The following PCDH19 variants were observed in gnomAD, a reference collection of about 807,000 sequenced individuals.
PCDH19 encodes the protein protocadherin 19.
PCDH19 carries 6 observed loss-of-function variants against 46.2 expected under a neutral mutation model. That is an observed-to-expected ratio of 0.13 (90% CI 0.07 to 0.26). The LOEUF (loss-of-function observed/expected upper bound fraction) is 0.26, where lower values mean the gene tolerates loss of function less well. Among genes scored for constraint, PCDH19 ranks in the 10% least tolerant of loss-of-function variants. PCDH19 has a pLI of 1.00. For synonymous variants in PCDH19, 481 were observed against 415.7 expected (o/e 1.16, Z -1.91); for missense variants, 740 against 972.3 (o/e 0.76, Z 3.18).
At chrX:100,328,251 A>G (rs1262150427) in intron 5 of PCDH19, among the ~76,000 whole-genome samples, 4 of 112,020 alleles carry the variant, frequency 3.6e-5, no homozygotes, top group Admixed American at 9.5e-5. Flanking sequence ...ACGAAAGCAC[A>G]GGATGAATAC....
chrX:100,332,791 T>A (rs376378673), intron 5 of PCDH19, among the ~76,000 whole-genome samples: 1 of 109,793 alleles, frequency 9.1e-6, no homozygotes, highest in Middle Eastern at 4.8e-3. Flanking sequence ...GCAGGAGGAC[T>A]GCTGCTTGAG....
chrX:100,378,072 A>C (rs1035505723), intron 3 of PCDH19, among the ~76,000 whole-genome samples: 1 of 112,580 alleles, frequency 8.9e-6, no homozygotes, highest in African/African-American at 3.2e-5. Context: ...CTATACAAAC[A>C]CTATTCTTAA....
intron 3 of PCDH19, among the ~76,000 whole-genome samples, chrX:100,356,008 C>G (rs991034460): frequency 1.8e-5 from 2 of 109,115 alleles, no homozygotes; most frequent in African/African-American, 6.7e-5. Flanking sequence ...AGAAGGAAGC[C>G]CAATAAATGC....
intron 5 of PCDH19, among the ~76,000 whole-genome samples, chrX:100,331,992 G>C (rs965470539): frequency 1.8e-5 from 2 of 110,478 alleles, no homozygotes; most frequent in Admixed American, 9.6e-5. Context: ...AATTAAAAAG[G>C]CTTTCTTGTC....
intron 3 of PCDH19, among the ~76,000 whole-genome samples, chrX:100,371,494 G>A (rs1299079159): frequency 9.0e-6 from 1 of 111,170 alleles, no homozygotes; most frequent in Non-Finnish European, 1.9e-5. Flanking sequence ...ATGAATGAAT[G>A]AACCATCTGC....
intron 4 of PCDH19, among the ~76,000 whole-genome samples, chrX:100,345,754 A>G (rs1341101324): frequency 8.9e-6 from 1 of 111,909 alleles, no homozygotes; most frequent in Non-Finnish European, 1.9e-5. Flanking sequence ...GCAAGGTATA[A>G]CAACTCCCCC....
chrX:100,332,735 G>C (rs774137290), intron 5 of PCDH19, among the ~76,000 whole-genome samples: 2 of 110,951 alleles, frequency 1.8e-5, no homozygotes, highest in East Asian at 5.7e-4. Flanking sequence ...TGTTAGGCTG[G>C]GAGCGGTGGC....
intron 5 of PCDH19, among the ~76,000 whole-genome samples, chrX:100,318,670 G>C (rs756594692): frequency 2.3e-4 from 26 of 112,051 alleles, no homozygotes; most frequent in Admixed American, 9.5e-4. Context: ...TGGGGAAATG[G>C]AACATGGACC....
At chrX:100,403,849 C>G (rs1425988709) in intron 1 of PCDH19, among the ~76,000 whole-genome samples, 185 bp from the exon 2 acceptor site, 1 of 112,373 alleles carries the variant, frequency 8.9e-6, no homozygotes, top group Non-Finnish European at 1.9e-5. Context: ...TTAAATGTAG[C>G]CAGATTCTCA....
At chrX:100,362,070 G>A (rs1926899553) in intron 3 of PCDH19, among the ~76,000 whole-genome samples, 2 of 111,817 alleles carry the variant, frequency 1.8e-5, no homozygotes, top group East Asian at 2.8e-4. Context: ...AGTTAACACT[G>A]TCAGAAACAT....
At chrX:100,329,865 T>C (rs1268196629) in intron 5 of PCDH19, among the ~76,000 whole-genome samples, 3 of 111,739 alleles carry the variant, frequency 2.7e-5, no homozygotes, top group Non-Finnish European at 5.6e-5. Context: ...TGAGCTGAGA[T>C]CGCGCCACTG....
chrX:100,323,768 A>G (rs1035480996), intron 5 of PCDH19, among the ~76,000 whole-genome samples: 2 of 111,865 alleles, frequency 1.8e-5, no homozygotes, highest in Non-Finnish European at 3.8e-5. Flanking sequence ...CCCAAAAAAA[A>G]AATTCTCAAT....
chrX:100,302,824 T>G (rs73548972), intron 5 of PCDH19, among the ~76,000 whole-genome samples: 27,011 of 111,063 alleles, frequency 0.24, 2,871 homozygotes, highest in Middle Eastern at 0.47. Flanking sequence ...TAGCAAAGCG[T>G]CCAGCACAGA....
intron 5 of PCDH19, among the ~76,000 whole-genome samples, chrX:100,322,865 A>ATATATATATATTTTTTTTTTTTTT: frequency 3.7e-5 from 2 of 54,416 alleles, no homozygotes; most frequent in Admixed American, 2.1e-4. Context: ...ATATATATAT[A>ATATATATATATTTTTTTTTTTTTT]TTTTTGCAGC....
intron 5 of PCDH19, among the ~76,000 whole-genome samples, chrX:100,310,639 C>T (rs138015245): frequency 0.019 from 2,063 of 109,897 alleles, 51 homozygotes; most frequent in African/African-American, 0.065. Flanking sequence ...AACATAGGAC[C>T]GTTTTTGAAA....
chrX:100,302,134 G>A (rs1924799718), intron 5 of PCDH19, among the ~76,000 whole-genome samples: 1 of 111,749 alleles, frequency 8.9e-6, no homozygotes. Context: ...GAAGCCATGT[G>A]CCTGTGGGTG....
At chrX:100,372,410 T>C (rs1293582465) in intron 3 of PCDH19, among the ~76,000 whole-genome samples, 1 of 111,941 alleles carries the variant, frequency 8.9e-6, no homozygotes, top group Admixed American at 9.5e-5. Flanking sequence ...ACTTCTGCAA[T>C]AGAAAGCCTT....
At chrX:100,331,594 C>T (rs780997441) in intron 5 of PCDH19, among the ~76,000 whole-genome samples, 6 of 111,924 alleles carry the variant, frequency 5.4e-5, no homozygotes, top group Non-Finnish European at 1.1e-4. Context: ...AAACTGTAAT[C>T]CCCATGTGTT....
intron 3 of PCDH19, among the ~76,000 whole-genome samples, chrX:100,357,735 T>C (rs915582147): frequency 2.7e-5 from 3 of 112,245 alleles, no homozygotes; most frequent in Non-Finnish European, 5.6e-5. Flanking sequence ...GTATACAGAC[T>C]GTACAATGTA....
Sources: gnomAD v4.1 joint callset for allele counts (sites outside exome capture counted in the v4.1 genomes callset) on GRCh38, gnomAD v4.1.1 for gene constraint, MANE v1.5 for transcripts, NCBI Gene and HGNC (gene_info 2026-07-23, HGNC 2026-07-21) for gene names.